IQCM: variants seen among roughly 807,000 people sequenced by gnomAD.
The protein encoded by IQCM is IQ domain-containing protein M.
A neutral mutation model predicts 57.6 loss-of-function variants in IQCM; 45 were observed. The ratio of observed to expected loss-of-function variants is 0.78; its 90% CI spans 0.62 to 1.00. The LOEUF (loss-of-function observed/expected upper bound fraction) is 1.00. Among genes scored for constraint, IQCM ranks in the 50% least tolerant of loss-of-function variants. The pLI is 0.00. For synonymous variants in IQCM, 148 were observed against 158.9 expected (o/e 0.93, Z 0.51); for missense variants, 468 against 511.6 (o/e 0.91, Z 0.82).
chr4:149,554,639 TTTTG>T lies in IQCM; in HGVS notation c.949-1356_949-1353del, dbSNP rs949509894. ...GTGTTTGCATCCATTCTACAAGATT[TTTTG>T]TTTGTTTGTTTGTTTCTTAGCATAT... is the stretch of plus-strand genomic sequence containing the variant. On this transcript the variant is annotated intron_variant, in intron 10 of 13. Coordinates refer to ENST00000636793, the MANE Select transcript of IQCM (RefSeq NM_001363507.2). Among the ~76,000 whole-genome samples, 72 of 151,552 alleles carry T rather than the reference TTTTG, an allele frequency of 4.8e-4. 3 individuals are homozygous for T. The highest frequency in any genetic ancestry group is 4.1e-3 in the Admixed American group (63 of 15,218).
intron 8 of IQCM, among the ~76,000 whole-genome samples, chr4:149,591,958 G>C (rs560405096): frequency 6.6e-6 from 1 of 152,216 alleles, no homozygotes; most frequent in East Asian, 1.9e-4. Context: ...AGTCCTTTGG[G>C]TATATACCCA....
At chr4:149,422,906 A>G (rs762203071) in intron 13 of IQCM, among the ~76,000 whole-genome samples, 3 of 152,082 alleles carry the variant, frequency 2.0e-5, no homozygotes, top group Non-Finnish European at 2.9e-5. Flanking sequence ...TGGTTATATT[A>G]GAGAGTAAGT....
chr4:149,676,035 T>C (rs983987208), intron 7 of IQCM, among the ~76,000 whole-genome samples: 8 of 152,088 alleles, frequency 5.3e-5, no homozygotes, highest in African/African-American at 1.7e-4. Context: ...AAAGTGTTTC[T>C]CTTAACAAAA....
At chr4:149,594,633 C>A (rs1753580980) in intron 8 of IQCM, among the ~76,000 whole-genome samples, 1 of 152,166 alleles carries the variant, frequency 6.6e-6, no homozygotes. Context: ...TTAAATGTGT[C>A]CCAGAGATTC....
At chr4:149,600,477 AG>A (rs2150030650) in intron 8 of IQCM, among the ~76,000 whole-genome samples, 1 of 152,336 alleles carries the variant, frequency 6.6e-6, no homozygotes, top group African/African-American at 2.4e-5. Context: ...AATAGAATAC[AG>A]TGAAAAAAGA....
chr4:149,750,650 C>T (rs1018199832), intron 2 of IQCM, among the ~76,000 whole-genome samples: 1 of 152,180 alleles, frequency 6.6e-6, no homozygotes, highest in African/African-American at 2.4e-5. Context: ...TAAAACAGTG[C>T]TGTTATAAAA....
intron 2 of IQCM, among the ~76,000 whole-genome samples, chr4:149,760,372 A>T (rs1034554893): frequency 2.0e-5 from 3 of 152,172 alleles, no homozygotes; most frequent in Admixed American, 2.0e-4. Context: ...GCAATTTAGA[A>T]TAAAATGACT....
chr4:149,394,794 T>C (rs1201778135), intron 13 of IQCM, among the ~76,000 whole-genome samples: 3 of 152,052 alleles, frequency 2.0e-5, no homozygotes, highest in Non-Finnish European at 4.4e-5. Context: ...AGATTTACTA[T>C]AGTTTTGTAT....
intron 5 of IQCM, among the ~76,000 whole-genome samples, chr4:149,702,865 T>C (rs1346180004): frequency 6.6e-6 from 1 of 151,930 alleles, no homozygotes; most frequent in Non-Finnish European, 1.5e-5. Context: ...GATCCTGCTC[T>C]TAACAGAGAA....
intron 7 of IQCM, among the ~76,000 whole-genome samples, chr4:149,644,917 C>A (rs1204706602): frequency 6.6e-6 from 1 of 152,168 alleles, no homozygotes; most frequent in Non-Finnish European, 1.5e-5. Flanking sequence ...TACTTGGCAC[C>A]AGAAGTATAC....
At chr4:149,400,203 G>GT (rs34266425) in intron 13 of IQCM, among the ~76,000 whole-genome samples, 7,692 of 142,794 alleles carry the variant, frequency 0.054, 272 homozygotes, top group Non-Finnish European at 0.082. Flanking sequence ...TCAGGAATAG[G>GT]TTTTTTTTTT....
At chr4:149,704,799 G>A (rs1316701763) in intron 5 of IQCM, among the ~76,000 whole-genome samples, 1 of 151,804 alleles carries the variant, frequency 6.6e-6, no homozygotes, top group Non-Finnish European at 1.5e-5. Flanking sequence ...CATTTGAATC[G>A]GTAGACTGGA....
chr4:149,356,147 G>C (rs567604300), intron 13 of IQCM, among the ~76,000 whole-genome samples: 4 of 152,156 alleles, frequency 2.6e-5, no homozygotes, highest in South Asian at 4.2e-4. Context: ...GATATTAGCC[G>C]TTTGTCAGAT....
chr4:149,784,238 T>C (rs922191449), intron 2 of IQCM, among the ~76,000 whole-genome samples: 1 of 152,228 alleles, frequency 6.6e-6, no homozygotes, highest in Non-Finnish European at 1.5e-5. Context: ...ATTGTCTATA[T>C]TTCTCACTTT....
chr4:149,538,228 A>T (rs1747496479), intron 12 of IQCM, among the ~76,000 whole-genome samples: 1 of 151,824 alleles, frequency 6.6e-6, no homozygotes, highest in African/African-American at 2.4e-5. Flanking sequence ...TACATATGAC[A>T]GTAACAACAC....
At position 149,755,753 on chromosome 4, in the gene IQCM, C is replaced by G. The variant is rs74449434; in HGVS notation, c.-48-13014G>C. The stretch of plus-strand genomic sequence containing the variant: ...TTTTCTCTTCCTCCTGGACCCATAG[C>G]TGGACTACTTTTTCCAGGTGCACTT... On this transcript the variant is annotated intron_variant, in intron 2 of 13. Coordinates refer to ENST00000636793, the MANE Select transcript of IQCM (RefSeq NM_001363507.2). Among the ~76,000 whole-genome samples, 935 of 152,276 alleles carry G rather than the reference C, an allele frequency of 6.1e-3. 10 individuals carry two copies. The highest frequency in any genetic ancestry group is 0.022 in the African/African-American group (894 of 41,562).
chr4:149,541,622 T>C (rs890586046), intron 12 of IQCM, among the ~76,000 whole-genome samples: 1 of 152,108 alleles, frequency 6.6e-6, no homozygotes, highest in African/African-American at 2.4e-5. Flanking sequence ...AAGTAATGGT[T>C]TTCATGTTTG....
intron 7 of IQCM, among the ~76,000 whole-genome samples, chr4:149,653,707 TA>T (rs1476210058): frequency 3.5e-4 from 53 of 152,130 alleles, no homozygotes; most frequent in African/African-American, 1.2e-3. Flanking sequence ...AAAATGGTCA[TA>T]CATCGAAATG....
chr4:149,567,442 G>C (rs1042618632), intron 9 of IQCM, among the ~76,000 whole-genome samples: 1 of 151,928 alleles, frequency 6.6e-6, no homozygotes, highest in African/African-American at 2.4e-5. Context: ...CACCTCCCGG[G>C]TTCAAGCAAT....
Sources: gnomAD v4.1 joint callset for allele counts (sites outside exome capture counted in the v4.1 genomes callset) on GRCh38, gnomAD v4.1.1 for gene constraint, MANE v1.5 for transcripts, NCBI Gene and HGNC (gene_info 2026-07-23, HGNC 2026-07-21) for gene names.